APP: variants seen among roughly 807,000 people sequenced by gnomAD.
APP encodes the protein amyloid-beta precursor protein.
A neutral mutation model predicts 101.4 loss-of-function variants in APP; 31 were observed. The observed-to-expected ratio is 0.31, with a 90% confidence interval of 0.23 to 0.41. The LOEUF is 0.41. APP is among the 10% of genes least tolerant of loss of function. The pLI, the probability that APP is intolerant of heterozygous loss-of-function variation, is 1.00. For missense variants in APP, 839 were observed against 1,003.7 expected (o/e 0.84, Z 2.22); for synonymous variants, 366 against 364.4 (o/e 1.00, Z -0.05).
chr21:26,116,260 AAAG>A (rs1407760305), intron 1 of APP, among the ~76,000 whole-genome samples: 1 of 152,228 alleles, frequency 6.6e-6, no homozygotes, highest in African/African-American at 2.4e-5. Flanking sequence ...TTAAAAACAG[AAAG>A]AAAATATTTT....
At chr21:25,935,738 G>T (rs2040332351) in intron 13 of APP, among the ~76,000 whole-genome samples, 1 of 150,746 alleles carries the variant, frequency 6.6e-6, no homozygotes, top group South Asian at 2.1e-4. Context: ...TACTCAGGAG[G>T]CTGAGGCAGG....
intron 3 of APP, among the ~76,000 whole-genome samples, chr21:26,057,712 C>A (rs1387361282): frequency 1.3e-5 from 2 of 152,110 alleles, no homozygotes; most frequent in East Asian, 3.8e-4. Flanking sequence ...AAGTGACTTG[C>A]CCACAGAGCC....
intron 13 of APP, among the ~76,000 whole-genome samples, chr21:25,950,072 G>A (rs2040997792): frequency 6.6e-6 from 1 of 152,158 alleles, no homozygotes. Flanking sequence ...AGAGGGCTTG[G>A]CTCCTTGAGT....
intron 3 of APP, among the ~76,000 whole-genome samples, chr21:26,067,231 T>A (rs2035951325): frequency 6.6e-6 from 1 of 152,248 alleles, no homozygotes; most frequent in Admixed American, 6.5e-5. Context: ...ATGCAATCAA[T>A]GTAAATAATT....
At chr21:26,065,411 G>A (rs1212862293) in intron 3 of APP, among the ~76,000 whole-genome samples, 1 of 152,150 alleles carries the variant, frequency 6.6e-6, no homozygotes, top group Non-Finnish European at 1.5e-5. Flanking sequence ...ACTAGACAGC[G>A]CTTGGTTTGA....
intron 13 of APP, among the ~76,000 whole-genome samples, chr21:25,933,338 A>T (rs1223962174): frequency 2.6e-5 from 4 of 152,208 alleles, no homozygotes; most frequent in Non-Finnish European, 4.4e-5. Flanking sequence ...GCTGGGGTCA[A>T]GTGATTTTCC....
chr21:25,957,326 A>G (rs1210572085), intron 11 of APP, among the ~76,000 whole-genome samples: 1 of 152,188 alleles, frequency 6.6e-6, no homozygotes, highest in Non-Finnish European at 1.5e-5. Context: ...ATATCTCTAT[A>G]TATTGAAAAG....
chr21:26,134,996 G>C (rs1286664520), intron 1 of APP, among the ~76,000 whole-genome samples: 1 of 152,116 alleles, frequency 6.6e-6, no homozygotes, highest in African/African-American at 2.4e-5. Context: ...CACTCCACTT[G>C]TCATTTAAAA....
intron 3 of APP, among the ~76,000 whole-genome samples, chr21:26,085,010 T>G (rs1783628025): frequency 6.6e-6 from 1 of 152,254 alleles, no homozygotes; most frequent in Non-Finnish European, 1.5e-5. Context: ...TATCTTTTGC[T>G]GATTATAAAA....
At chr21:25,995,578 G>A (rs954229216) in intron 8 of APP, among the ~76,000 whole-genome samples, 3 of 13,626 alleles carry the variant, frequency 2.2e-4, no homozygotes, top group Admixed American at 1.1e-3. Context: ...CCCACAAAGT[G>A]TTCTGAAGAA....
At chr21:25,888,821 A>G (rs1399642955) in intron 17 of APP, among the ~76,000 whole-genome samples, 2 of 152,234 alleles carry the variant, frequency 1.3e-5, no homozygotes, top group African/African-American at 4.8e-5. Context: ...CTTAAAAGGC[A>G]ACCGGTTATC....
At chr21:25,907,034 T>C (rs1269631078) in intron 14 of APP, among the ~76,000 whole-genome samples, 1 of 152,206 alleles carries the variant, frequency 6.6e-6, no homozygotes, top group Non-Finnish European at 1.5e-5. Flanking sequence ...TGAACTTCAG[T>C]TGTGTCACAA....
intron 15 of APP, among the ~76,000 whole-genome samples, chr21:25,899,311 T>C (rs965777844): frequency 6.6e-6 from 1 of 152,186 alleles, no homozygotes; most frequent in African/African-American, 2.4e-5. Context: ...GTTTAAAATA[T>C]ATCCACAAAT....
intron 13 of APP, among the ~76,000 whole-genome samples, chr21:25,952,422 T>C (rs935736819): frequency 6.6e-6 from 1 of 152,012 alleles, no homozygotes; most frequent in African/African-American, 2.4e-5. Flanking sequence ...TGATACTAGT[T>C]ATCTAAATAT....
chr21:26,083,856 C>G (rs1225587632), intron 3 of APP, among the ~76,000 whole-genome samples: 1 of 152,112 alleles, frequency 6.6e-6, no homozygotes, highest in African/African-American at 2.4e-5. Flanking sequence ...TACTTAATGA[C>G]ACCTGAATAC....
At chr21:26,102,247 C>A (rs1280667367) in intron 2 of APP, among the ~76,000 whole-genome samples, 2 of 151,930 alleles carry the variant, frequency 1.3e-5, no homozygotes, top group Non-Finnish European at 2.9e-5. Context: ...CACCACCACG[C>A]CCGGCAAATA....
At chr21:25,944,339 CCTTTGGA>C (rs2040713013) in intron 13 of APP, among the ~76,000 whole-genome samples, 1 of 152,160 alleles carries the variant, frequency 6.6e-6, no homozygotes. Flanking sequence ...AGTCAACATT[CCTTTGGA>C]CACGTCTCAT....
chr21:26,158,622 T>C (rs936942021), intron 1 of APP, among the ~76,000 whole-genome samples: 3 of 152,202 alleles, frequency 2.0e-5, no homozygotes, highest in Non-Finnish European at 4.4e-5. Flanking sequence ...TTTAGGAACA[T>C]TTAAAAGTAC....
At chr21:25,905,971 G>T (rs916752608) in intron 14 of APP, among the ~76,000 whole-genome samples, 24 of 152,222 alleles carry the variant, frequency 1.6e-4, no homozygotes, top group African/African-American at 4.1e-4. Flanking sequence ...GGTGCAGGGG[G>T]AAGCTGCTTT....
Sources: gnomAD v4.1 joint callset for allele counts (sites outside exome capture counted in the v4.1 genomes callset) on GRCh38, gnomAD v4.1.1 for gene constraint, MANE v1.5 for transcripts, NCBI Gene and HGNC (gene_info 2026-07-23, HGNC 2026-07-21) for gene names.